The following TAB1 variants were observed in gnomAD, a reference collection of about 807,000 sequenced individuals.
TAB1 encodes TGF-beta activated kinase 1 (MAP3K7) binding protein 1.
Under a neutral mutation model 54.5 loss-of-function variants are expected in TAB1, and 30 were observed. The observed-to-expected ratio is 0.55, with a 90% confidence interval of 0.41 to 0.75. The LOEUF (loss-of-function observed/expected upper bound fraction) is 0.75. Among genes scored for constraint, TAB1 ranks in the 30% least tolerant of loss-of-function variants. The pLI is 0.00. For synonymous variants in TAB1, 289 were observed against 286.9 expected (o/e 1.01, Z -0.07); for missense variants, 609 against 683.2 (o/e 0.89, Z 1.21).
At chr22:39,418,215 T>C (rs1030683813) in intron 5 of TAB1, among the ~76,000 whole-genome samples, 1 of 152,118 alleles carries the variant, frequency 6.6e-6, no homozygotes, top group African/African-American at 2.4e-5. Flanking sequence ...GACAGGGACA[T>C]TGGGGTTTGT....
intron 1 of TAB1, among the ~76,000 whole-genome samples, chr22:39,409,755 C>G (rs1313285439): frequency 6.6e-6 from 1 of 152,118 alleles, no homozygotes; most frequent in Admixed American, 6.5e-5. Context: ...ACGCTGTGTC[C>G]CATTACCATG....
intron 1 of TAB1, among the ~76,000 whole-genome samples, chr22:39,409,978 A>C (rs1361187437): frequency 3.3e-5 from 5 of 152,226 alleles, no homozygotes; most frequent in African/African-American, 1.2e-4. Context: ...AATGTACTGT[A>C]ATCACATAAT....
At chr22:39,421,576 C>T (rs1015226248) in intron 7 of TAB1, among the ~76,000 whole-genome samples, 126 of 152,208 alleles carry the variant, frequency 8.3e-4, no homozygotes, top group African/African-American at 2.9e-3. Context: ...AGGCCAGAAT[C>T]GGGCATTCAA....
At chr22:39,408,895 T>A (rs1267921764) in intron 1 of TAB1, among the ~76,000 whole-genome samples, 1 of 152,192 alleles carries the variant, frequency 6.6e-6, no homozygotes, top group Non-Finnish European at 1.5e-5. Context: ...TGGATTTTTT[T>A]AGAAAGATTC....
At chr22:39,421,253 AC>A (rs1039019067) in intron 7 of TAB1, among the ~76,000 whole-genome samples, 1 of 151,468 alleles carries the variant, frequency 6.6e-6, no homozygotes, top group African/African-American at 2.4e-5. Context: ...CTGTGTAATA[AC>A]CGCTCCCAGG....
At position 39,430,213 on chromosome 22, in the gene TAB1, A is replaced by G; in HGVS notation, c.1506A>G (p.Thr502=). Residue 502 remains threonine, a synonymous_variant, in exon 11 of 11, where the codon ACA becomes ACG. Coordinates refer to ENST00000216160, the MANE Select transcript of TAB1 (RefSeq NM_006116.3). ...SVDHGEQSVV[T]AP Reference sequence around the variant, plus strand: ...ACCATGGCGAGCAGAGCGTGGTGACAGCACCGTAGGGCAGCCGGAGAATGC... The same window carrying G: ...ACCATGGCGAGCAGAGCGTGGTGACGGCACCGTAGGGCAGCCGGAGAATGC... 6.2e-7 allele frequency: 1 copy of G among 1,612,538 alleles called. No homozygotes were observed. The highest frequency in any genetic ancestry group is 1.1e-5 in the South Asian group (1 of 91,088).
At chr22:39,400,207 C>T (rs1288523141) in intron 1 of TAB1, among the ~76,000 whole-genome samples, 2 of 152,226 alleles carry the variant, frequency 1.3e-5, no homozygotes, top group Non-Finnish European at 2.9e-5. Flanking sequence ...GTACCGCTTA[C>T]TGCATCCCCG....
intron 10 of TAB1, 78 bp from the exon 11 acceptor site, chr22:39,429,937 G>A: frequency 1.3e-6 from 2 of 1,586,576 alleles, no homozygotes; most frequent in East Asian, 2.2e-5. Context: ...TAGAGGCAGG[G>A]GCCATTCTGT....
At chr22:39,429,602 C>T (rs955419821) in intron 10 of TAB1, among the ~76,000 whole-genome samples, 6 of 152,098 alleles carry the variant, frequency 3.9e-5, no homozygotes, top group African/African-American at 1.4e-4. Flanking sequence ...CTCAACCTCC[C>T]GAGCAGCTGG....
chr22:39,429,682 G>A (rs192996806), intron 10 of TAB1: 109 of 357,448 alleles, frequency 3.0e-4, no homozygotes, highest in African/African-American at 2.1e-3. Flanking sequence ...GGGTTTCACC[G>A]TGTTGGCCAG....
intron 3 of TAB1, among the ~76,000 whole-genome samples, chr22:39,416,572 C>T (rs773217800): frequency 1.1e-4 from 17 of 152,258 alleles, no homozygotes; most frequent in Non-Finnish European, 2.1e-4. Flanking sequence ...GTGCACACCC[C>T]TTCGAGGCTG....
downstream of TAB1, chr22:39,433,216 C>T (rs538788882): frequency 1.2e-4 from 113 of 977,782 alleles, no homozygotes; most frequent in African/African-American, 1.9e-3. Flanking sequence ...CTTTCAGAGG[C>T]CAAGGCAGGC....
intron 1 of TAB1, among the ~76,000 whole-genome samples, chr22:39,410,610 A>G (rs977683909): frequency 1.4e-5 from 2 of 140,544 alleles, no homozygotes; most frequent in Non-Finnish European, 3.1e-5. Flanking sequence ...TATACTGTCT[A>G]TTTTCAAAGG....
chr22:39,415,179 G>A lies in TAB1; in HGVS notation c.170+37G>A, dbSNP rs1396951874. ...AGCATTTCTGTGTTGGGCCCGGGGA[G>A]TTGGTTGGTTTGCAAGCAAGGAAAG... On this transcript the variant is annotated intron_variant, in intron 2 of 10. Transcript: ENST00000216160. This position sits in a 1 kb window ranked among gnomAD's most constrained non-coding sequence, Gnocchi z 4.9. 1 of 1,537,588 alleles carries A rather than the reference G, an allele frequency of 6.5e-7. No homozygotes were observed. The highest frequency in any genetic ancestry group is 2.3e-5 in the East Asian group (1 of 44,008).
At chr22:39,427,012 G>A (rs532868437) in intron 9 of TAB1, 87 bp downstream of exon 9, 36 of 1,312,092 alleles carry the variant, frequency 2.7e-5, no homozygotes, top group Admixed American at 2.4e-4. Flanking sequence ...TGCTTGAAAC[G>A]GAGATGGAGT....
At chr22:39,405,618 G>T (rs1405175112) in intron 1 of TAB1, among the ~76,000 whole-genome samples, 1 of 152,214 alleles carries the variant, frequency 6.6e-6, no homozygotes, top group African/African-American at 2.4e-5. Flanking sequence ...GTGTGCAGGG[G>T]TGGAGGGGTG....
chr22:39,419,489 G>A (rs749143415), intron 6 of TAB1, 30 bp from the exon 7 acceptor site: 6 of 1,535,458 alleles, frequency 3.9e-6, no homozygotes, highest in Middle Eastern at 1.7e-4. Context: ...TGAACAAGAA[G>A]CAGGATTGTT....
At chr22:39,417,013 GT>G in intron 4 of TAB1, 136 bp downstream of exon 4, 1 of 792,592 alleles carries the variant, frequency 1.3e-6, no homozygotes, top group Non-Finnish European at 2.1e-6. Flanking sequence ...GGTGACACTG[GT>G]GTGTGGCCAC....
intron 10 of TAB1, 64 bp from the exon 11 acceptor site, chr22:39,429,951 C>A: frequency 6.3e-7 from 1 of 1,598,516 alleles, no homozygotes; most frequent in Non-Finnish European, 8.5e-7. Flanking sequence ...ATTCTGTCCC[C>A]ACTCTGCCCC....
Sources: gnomAD v4.1 joint callset for allele counts (sites outside exome capture counted in the v4.1 genomes callset) on GRCh38, gnomAD v4.1.1 for gene constraint, Gnocchi (gnomAD v3.1) non-coding constraint, MANE v1.5 for transcripts, NCBI Gene and HGNC (gene_info 2026-07-23, HGNC 2026-07-21) for gene names.